The following DZIP1 variants were observed in gnomAD, a reference collection of about 807,000 sequenced individuals.
DZIP1 encodes DAZ interacting zinc finger protein 1, also known as cilium assembly protein DZIP1.
A neutral mutation model predicts 107.6 loss-of-function variants in DZIP1; 97 were observed. The ratio of observed to expected loss-of-function variants is 0.90; its 90% CI spans 0.77 to 1.07. The LOEUF (loss-of-function observed/expected upper bound fraction) is 1.07. DZIP1 is among the 50% of genes least tolerant of loss of function. DZIP1 has a pLI of 0.00. For missense variants in DZIP1, 1,035 were observed against 1,063.6 expected, an observed-to-expected ratio of 0.97 and a Z score of 0.37; for synonymous variants, 390 against 386.4, an observed-to-expected ratio of 1.01 and a Z score of -0.11.
At chr13:95,613,215 AG>A (rs958624769) in intron 10 of DZIP1, among the ~76,000 whole-genome samples, 4 of 152,126 alleles carry the variant, frequency 2.6e-5, no homozygotes, top group Non-Finnish European at 5.9e-5. Flanking sequence ...AAAGAAACAA[AG>A]GGGGGGCGGC....
Position 95,641,857 on chromosome 13 carries a change from T to TGCGGGGGGCACAAAGAGAGCGCG in DZIP1, c.37-25_37-3dup. Reference sequence around the variant, plus strand: ...GTAGTAGACATGCTTCTGGAAGGGCTGCGGGGGGCACAAAGAGAGCGCGGC... The same window carrying TGCGGGGGGCACAAAGAGAGCGCG: ...GTAGTAGACATGCTTCTGGAAGGGCTGCGGGGGGCACAAAGAGAGCGCGGCGGGGGGCACAAAGAGAGCGCGGC... On this transcript the variant is annotated splice_region_variant and splice_polypyrimidine_tract_variant and intron_variant, in intron 4 of 22. Coordinates refer to ENST00000376829, the MANE Select transcript of DZIP1 (RefSeq NM_198968.4). The surrounding 1 kb of genome is among the most constrained non-coding windows in gnomAD (Gnocchi z 4.3). 1 of 1,165,624 alleles carries TGCGGGGGGCACAAAGAGAGCGCG rather than the reference T, an allele frequency of 8.6e-7. No homozygotes were observed. The highest frequency in any genetic ancestry group is 1.1e-6 in the Non-Finnish European group (1 of 932,906). The allele number at this position is 1,165,624 out of a possible 1,614,324, so 72.2% of individuals were successfully genotyped here. A position where few individuals can be genotyped will look rare whatever the true frequency, so the allele number is the denominator to read the frequency against.
intron 20 of DZIP1, among the ~76,000 whole-genome samples, chr13:95,586,388 C>T (rs1351228940): frequency 1.3e-5 from 2 of 152,004 alleles, no homozygotes; most frequent in Non-Finnish European, 2.9e-5. Context: ...AAAATAGAGA[C>T]GAGGTCTTGC....
rs747288977 is a variant in DZIP1, at chr13:95,584,814, G to A, written c.2446C>T (p.Pro816Ser). The change falls in exon 22 of 23, where the codon CCT becomes TCT. Residue 816 changes from proline to serine, a missense_variant. Transcript: ENST00000376829. ...GCAAAATGTGGTTCATTTTTCGCAG[G>A]TGGAGGTTCCTTCTGTTCTTTCCCA... is the stretch of plus-strand genomic sequence containing the variant. ...KSGKEQKEPP[P>S]AKNEPHFAHV... 5.0e-6 allele frequency: 8 copies of A among 1,614,098 alleles called. No homozygotes were observed. In the South Asian group the frequency reaches 8.8e-5, roughly 18 times the overall value.
Position 95,590,188 on chromosome 13 carries a change from A to C in DZIP1, c.1843+91T>G, listed in dbSNP as rs546089836. The C allele has an allele frequency of 1.6e-5, 20 of 1,266,356 alleles. No homozygotes were observed. The East Asian group carries it at 4.8e-4, about 30-fold the overall frequency. 78.4% of individuals were successfully genotyped at this position (1,266,356 alleles called of 1,614,324 possible). On this transcript the variant is annotated intron_variant, in intron 17 of 22. Coordinates refer to ENST00000376829, the MANE Select transcript of DZIP1 (RefSeq NM_198968.4). ...TTGTTAACCATTTAAAATTATAATA[A>C]TTTGTTTAATGATATCTTGTGGTGA...
intron 22 of DZIP1, among the ~76,000 whole-genome samples, chr13:95,583,051 C>G (rs1015255493): frequency 1.3e-5 from 2 of 152,102 alleles, no homozygotes; most frequent in Non-Finnish European, 2.9e-5. Flanking sequence ...GTGAAGGAGA[C>G]AGGCAGCAAC....
intron 14 of DZIP1, 85 bp downstream of exon 14, chr13:95,605,918 T>C: frequency 7.5e-7 from 1 of 1,335,694 alleles, no homozygotes; most frequent in Non-Finnish European, 1.1e-6. Flanking sequence ...ATTAATTACC[T>C]CCACATAATC....
At chr13:95,599,770 T>A (rs1329582198) in intron 14 of DZIP1, among the ~76,000 whole-genome samples, 1 of 152,160 alleles carries the variant, frequency 6.6e-6, no homozygotes, top group Admixed American at 6.5e-5. Context: ...TTCAATCAAG[T>A]GGCTAAACAG....
intron 10 of DZIP1, among the ~76,000 whole-genome samples, chr13:95,613,224 G>A (rs1460681386): frequency 1.3e-5 from 2 of 152,110 alleles, no homozygotes; most frequent in African/African-American, 2.4e-5. Context: ...AAGGGGGGGC[G>A]GCTTGAGGCC....
intron 12 of DZIP1, among the ~76,000 whole-genome samples, chr13:95,610,679 C>T (rs559399364): frequency 7.9e-5 from 12 of 152,232 alleles, no homozygotes; most frequent in African/African-American, 2.6e-4. Context: ...CCCATTTAAT[C>T]CTCATAACAA....
intron 7 of DZIP1, among the ~76,000 whole-genome samples, 171 bp from the exon 8 acceptor site, chr13:95,625,100 T>C (rs1876373564): frequency 1.3e-5 from 2 of 152,234 alleles, no homozygotes; most frequent in Non-Finnish European, 2.9e-5. Flanking sequence ...ATGATTTTTC[T>C]AAACTAAAGG....
intron 6 of DZIP1, among the ~76,000 whole-genome samples, chr13:95,630,504 C>G (rs1475759108): frequency 6.6e-6 from 1 of 152,058 alleles, no homozygotes; most frequent in African/African-American, 2.4e-5. Flanking sequence ...GCAGGCACCA[C>G]CATACTGAAA....
chr13:95,630,963 C>T (rs967663399), intron 6 of DZIP1: 1 of 299,330 alleles, frequency 3.3e-6, no homozygotes, highest in Non-Finnish European at 6.5e-6. Flanking sequence ...CAAAATATTG[C>T]TAAATTTTAT....
intron 6 of DZIP1, 72 bp downstream of exon 6, chr13:95,633,162 G>T: frequency 7.2e-7 from 1 of 1,384,872 alleles, no homozygotes; most frequent in Non-Finnish European, 1.0e-6. Flanking sequence ...GAAATGCACT[G>T]GACCAAGTCT....
rs1263968988 is a variant in DZIP1, at chr13:95,642,179, C to T, written c.-150G>A. On this transcript the variant is annotated 5_prime_UTR_variant, in exon 4 of 23. Transcript: ENST00000376829. ...GTCCAGGACGTTGCTATAGCAGCGC[C>T]CAGGTCCGGACCTGGAGCAAAGGGC... 42 of 1,073,530 alleles carry T rather than the reference C, an allele frequency of 3.9e-5. No individual in the cohort carries two copies. Among genetic ancestry groups the T allele is most frequent in the Admixed American group, 1.2e-4 (3 of 25,828 alleles). 66.5% of individuals were successfully genotyped at this position (1,073,530 alleles called of 1,614,324 possible).
chr13:95,624,358 A>T (rs144602110), intron 8 of DZIP1, among the ~76,000 whole-genome samples: 106 of 152,304 alleles, frequency 7.0e-4, no homozygotes, highest in Non-Finnish European at 1.3e-3. Context: ...CTTGCTTTAG[A>T]GACCCCACCT....
At chr13:95,612,962 A>G (rs567075303) in intron 10 of DZIP1, among the ~76,000 whole-genome samples, 1 of 152,110 alleles carries the variant, frequency 6.6e-6, no homozygotes, top group Non-Finnish European at 1.5e-5. Context: ...ATGTTTACTG[A>G]TAGATGTTTA....
chr13:95,640,857 A>T (rs546997814), intron 5 of DZIP1, among the ~76,000 whole-genome samples: 1,599 of 152,328 alleles, frequency 0.01, 27 homozygotes, highest in African/African-American at 0.036. Context: ...AGGGCGCATG[A>T]AAATTCCTTA....
At chr13:95,594,368 GA>G (rs539998049) in intron 15 of DZIP1, among the ~76,000 whole-genome samples, 122 of 151,980 alleles carry the variant, frequency 8.0e-4, no homozygotes, top group Admixed American at 2.0e-3. Flanking sequence ...AAGCATGATG[GA>G]AAAAAAATTT....
At chr13:95,584,577 G>C in intron 22 of DZIP1, 159 bp downstream of exon 22, 4 of 1,334,604 alleles carry the variant, frequency 3.0e-6, no homozygotes, top group Non-Finnish European at 3.9e-6. Flanking sequence ...GAATCAGTGA[G>C]TTATGCATAT....
Sources: gnomAD v4.1 joint callset for allele counts (sites outside exome capture counted in the v4.1 genomes callset) on GRCh38, gnomAD v4.1.1 for gene constraint, Gnocchi (gnomAD v3.1) non-coding constraint, MANE v1.5 for transcripts, NCBI Gene and HGNC (gene_info 2026-07-23, HGNC 2026-07-21) for gene names.